The following PGM5 variants were observed in gnomAD, a reference collection of about 807,000 sequenced individuals.
PGM5 encodes the protein phosphoglucomutase-like protein 5.
PGM5 carries 23 observed loss-of-function variants against 59.2 expected under a neutral mutation model. The ratio of observed to expected loss-of-function variants is 0.39; its 90% CI spans 0.28 to 0.55. PGM5 has a LOEUF of 0.55. PGM5 is among the 20% of genes least tolerant of loss of function. The probability of loss-of-function intolerance (pLI) is 0.66; values close to 1 mark genes in which losing one functional copy is unlikely to be tolerated. For missense variants in PGM5, 574 were observed against 748.3 expected (o/e 0.77, Z 2.72); for synonymous variants, 214 against 286.0 (o/e 0.75, Z 2.54).
intron 6 of PGM5, among the ~76,000 whole-genome samples, chr9:68,413,725 T>A (rs1432993241): frequency 1.2e-4 from 18 of 152,298 alleles, no homozygotes; most frequent in African/African-American, 4.3e-4. Flanking sequence ...TGAGCTTAGG[T>A]TATTGCCTCC....
chr9:68,519,020 T>A (rs1160523871), intron 10 of PGM5, among the ~76,000 whole-genome samples: 1 of 152,210 alleles, frequency 6.6e-6, no homozygotes. Flanking sequence ...CAAAGAATAG[T>A]TTGATTGACA....
At chr9:68,397,533 C>T (rs1178271188) in intron 6 of PGM5, 3 of 152,214 alleles carry the variant, frequency 2.0e-5, no homozygotes, top group East Asian at 1.9e-4. Context: ...CTCATCTACC[C>T]TCTATTTGCT....
intron 1 of PGM5, among the ~76,000 whole-genome samples, chr9:68,364,700 C>T (rs1427717690): frequency 2.0e-5 from 3 of 152,100 alleles, no homozygotes; most frequent in African/African-American, 4.8e-5. Context: ...CAATAGCAAA[C>T]TTACAGGAGC....
In PGM5 at chr9:68,511,545, CTTTTTTTTT is replaced by C. The variant is rs3064033; in HGVS notation, c.1614+12201_1614+12209del. 3.3e-4 allele frequency among the ~76,000 whole-genome samples: 21 copies of C among 62,728 alleles called. No individual in the cohort carries two copies. The Admixed American group carries it at 4.3e-3, about 13-fold the overall frequency. The allele number at this position is 62,728 out of a possible 152,430, so 41.2% of individuals were successfully genotyped here. ...TTGTCACTAATGTTATTGTTTTTGCCTTTTTTTTTTTTTTTTTTTTTTTTTAGATGGAGT... is the reference window on the plus strand; with the variant it reads ...TTGTCACTAATGTTATTGTTTTTGCCTTTTTTTTTTTTTTTTAGATGGAGT... On this transcript the variant is annotated intron_variant, in intron 10 of 10. Transcript: ENST00000396396.
intron 6 of PGM5, among the ~76,000 whole-genome samples, chr9:68,395,384 T>C (rs265099): frequency 0.98 from 148,403 of 152,114 alleles, 72,516 homozygotes; most frequent in East Asian, 1. Flanking sequence ...AGCTTCCCAA[T>C]ATGTTTTTCT....
chr9:68,520,793 T>C (rs1251944181), intron 10 of PGM5, among the ~76,000 whole-genome samples: 2 of 152,210 alleles, frequency 1.3e-5, no homozygotes, highest in Non-Finnish European at 2.9e-5. Flanking sequence ...GCTGACAGTA[T>C]GCTAACAAGG....
chr9:68,492,333 G>C (rs1824405807), intron 9 of PGM5, among the ~76,000 whole-genome samples: 1 of 152,130 alleles, frequency 6.6e-6, no homozygotes, highest in Non-Finnish European at 1.5e-5. Flanking sequence ...TTGGAATTTG[G>C]ATGAGGAATA....
intron 7 of PGM5, chr9:68,466,458 G>C: frequency 5.4e-6 from 1 of 183,612 alleles, no homozygotes; most frequent in Non-Finnish European, 1.1e-5. Flanking sequence ...TGGTTCAGCT[G>C]ATTGCTTTAT....
chr9:68,437,566 GACACACACACTCACAC>G lies in PGM5; in HGVS notation c.1044-27516_1044-27501del. Among the ~76,000 whole-genome samples the G allele has an allele frequency of 6.7e-6, 1 of 150,056 alleles. No individual in the cohort carries two copies. Among genetic ancestry groups the G allele is most frequent in the Middle Eastern group, 3.4e-3 (1 of 292 alleles). On this transcript the variant is annotated intron_variant, in intron 6 of 10. Transcript: ENST00000396396. The surrounding 1 kb of genome is among the most constrained non-coding windows in gnomAD (Gnocchi z 4.1). ...AGGATAGGAATCAATTTTTCAAAGGGACACACACACTCACACACACACACACACACACACTCTCACA... is the reference window on the plus strand; with the variant it reads ...AGGATAGGAATCAATTTTTCAAAGGGACACACACACACACACACTCTCACA...
intron 6 of PGM5, among the ~76,000 whole-genome samples, chr9:68,452,936 T>C (rs1244599277): frequency 1.3e-5 from 2 of 152,236 alleles, no homozygotes; most frequent in Admixed American, 6.5e-5. Flanking sequence ...AACATAGTCC[T>C]TCTTCTCCCT....
At chr9:68,515,104 C>G (rs1010613837) in intron 10 of PGM5, among the ~76,000 whole-genome samples, 2 of 152,156 alleles carry the variant, frequency 1.3e-5, no homozygotes, top group African/African-American at 4.8e-5. Context: ...GACAGTCTAG[C>G]ACACTTCAAT....
chr9:68,364,562 G>T (rs1424086363), intron 1 of PGM5, among the ~76,000 whole-genome samples: 2 of 152,178 alleles, frequency 1.3e-5, no homozygotes, highest in African/African-American at 4.8e-5. Context: ...CCAGACATTA[G>T]GGAGGACAGG....
rs149481764 is a variant in PGM5 at position 68,520,164 on chromosome 9, A to T, written c.1615-9403A>T. 1.1e-4 allele frequency among the ~76,000 whole-genome samples: 16 copies of T among 151,492 alleles called. No homozygotes were observed. The East Asian group carries it at 3.1e-3, about 29-fold the overall frequency. ...TATACATAAAAATACAGAAAATTTG[A>T]AAGTTAAAAGACGGAAAAAGATATA... On this transcript the variant is annotated intron_variant, in intron 10 of 10. Transcript: ENST00000396396.
chr9:68,507,484 A>G (rs1450822269), intron 10 of PGM5, among the ~76,000 whole-genome samples: 5 of 152,204 alleles, frequency 3.3e-5, no homozygotes, highest in African/African-American at 1.2e-4. Flanking sequence ...CTTTGCCTAC[A>G]TATATTCAAA....
intron 6 of PGM5, among the ~76,000 whole-genome samples, chr9:68,411,356 G>A (rs188869665): frequency 2.7e-5 from 4 of 149,918 alleles, no homozygotes; most frequent in Admixed American, 1.3e-4. Flanking sequence ...GACATACAGC[G>A]ACCCTATCTC....
chr9:68,458,749 T>C (rs945095536), intron 6 of PGM5, among the ~76,000 whole-genome samples: 2 of 152,202 alleles, frequency 1.3e-5, no homozygotes, highest in African/African-American at 4.8e-5. Context: ...TGTAGTTATC[T>C]TATTTTGATA....
At chr9:68,447,102 C>T (rs1823623858) in intron 6 of PGM5, among the ~76,000 whole-genome samples, 1 of 152,152 alleles carries the variant, frequency 6.6e-6, no homozygotes, top group Non-Finnish European at 1.5e-5. Context: ...GAGTTGGTGC[C>T]TGCAAGCTCT....
At chr9:68,363,162 G>A (rs1834613708) in intron 1 of PGM5, among the ~76,000 whole-genome samples, 1 of 152,066 alleles carries the variant, frequency 6.6e-6, no homozygotes, top group South Asian at 2.1e-4. Flanking sequence ...GAGCCACTGC[G>A]CCCGGCCGTT....
intron 7 of PGM5, among the ~76,000 whole-genome samples, chr9:68,473,445 C>A (rs1163313118): frequency 1.3e-5 from 2 of 152,154 alleles, no homozygotes; most frequent in African/African-American, 4.8e-5. Context: ...GGCTTTGGAG[C>A]CAAATTGCCC....
Sources: gnomAD v4.1 joint callset for allele counts (sites outside exome capture counted in the v4.1 genomes callset) on GRCh38, gnomAD v4.1.1 for gene constraint, Gnocchi (gnomAD v3.1) non-coding constraint, MANE v1.5 for transcripts, NCBI Gene and HGNC (gene_info 2026-07-23, HGNC 2026-07-21) for gene names.